The following CHL1 variants were observed in gnomAD, a reference collection of about 807,000 sequenced individuals.
CHL1 encodes the protein neural cell adhesion molecule L1-like protein.
A neutral mutation model predicts 141.9 loss-of-function variants in CHL1; 96 were observed. That is an observed-to-expected ratio of 0.68 (90% confidence interval 0.57 to 0.80). The LOEUF is 0.80. CHL1 is among the 30% of genes least tolerant of loss of function. CHL1 has a pLI of 0.00. For missense variants in CHL1, 1,820 were observed against 1,457.2 expected, an observed-to-expected ratio of 1.25 and a Z score of -4.05; for synonymous variants, 613 against 502.2, an observed-to-expected ratio of 1.22 and a Z score of -2.95.
chr3:353,217 T>C (rs1703414705), intron 10 of CHL1, among the ~76,000 whole-genome samples: 1 of 152,202 alleles, frequency 6.6e-6, no homozygotes, highest in Non-Finnish European at 1.5e-5. Flanking sequence ...CTTGATTTTC[T>C]TTATTTCTGC....
At chr3:347,180 G>C (rs1354305766) in intron 9 of CHL1, among the ~76,000 whole-genome samples, 1 of 151,838 alleles carries the variant, frequency 6.6e-6, no homozygotes, top group African/African-American at 2.4e-5. Flanking sequence ...TTTCTGTTTT[G>C]TAAATTCGTG....
intron 22 of CHL1, 151 bp from the exon 23 acceptor site, chr3:391,524 T>A (rs190427368): frequency 2.5e-5 from 15 of 610,974 alleles, no homozygotes; most frequent in East Asian, 1.8e-4. Flanking sequence ...CTCAAAAAAA[T>A]AAATAAATAA....
At position 342,109 on chromosome 3, in the gene CHL1, T is replaced by A. The variant is rs1312497208; in HGVS notation, c.679+27T>A. The A allele has an allele frequency of 1.9e-6, 3 of 1,570,380 alleles. No homozygotes were observed. In the African/African-American group the frequency reaches 4.0e-5, roughly 21 times the overall value. On this transcript the variant is annotated intron_variant, in intron 7 of 27. Transcript: ENST00000256509. The stretch of plus-strand genomic sequence containing the variant: ...TAAGTCCACATAATTTATCGTTTCA[T>A]CATGTATGCTGAATGCAAATGTGTC...
chr3:370,287 C>G (rs939802669), intron 15 of CHL1, among the ~76,000 whole-genome samples: 1 of 152,064 alleles, frequency 6.6e-6, no homozygotes, highest in African/African-American at 2.4e-5. Flanking sequence ...TGTTATTGCT[C>G]TATTCAGGGA....
At chr3:363,597 A>C in intron 14 of CHL1, 1 of 427,836 alleles carries the variant, frequency 2.3e-6, no homozygotes. Context: ...CTATTTTAAG[A>C]GGCAGCCAGG....
At position 389,402 on chromosome 3, in the gene CHL1, A is replaced by G; in HGVS notation, c.2398A>G (p.Lys800Glu). ...TPAVYAPYDV[K>E]VQAINQLGSG... ...TGCTGTCTATGCCCCTTATGATGTC[A>G]AGGTCCAGGCTATCAATCAACTAGG... Residue 800 changes from lysine to glutamate, a missense_variant, in exon 20 of 28, where the codon AAG becomes GAG. Physicochemically the swap from Lys to Glu is moderately conservative, Grantham distance 56. Coordinates refer to ENST00000256509, the MANE Select transcript of CHL1 (RefSeq NM_006614.4). 1 of 1,614,214 alleles carries G rather than the reference A, an allele frequency of 6.2e-7. No homozygotes were observed. The highest frequency in any genetic ancestry group is 8.5e-7 in the Non-Finnish European group (1 of 1,180,030).
At chr3:345,691 G>T (rs1401081808) in intron 9 of CHL1, among the ~76,000 whole-genome samples, 1 of 151,930 alleles carries the variant, frequency 6.6e-6, no homozygotes, top group Non-Finnish European at 1.5e-5. Flanking sequence ...CAACATGTTA[G>T]CCAGGAAGGT....
chr3:284,530 G>A (rs565975390), intron 2 of CHL1, among the ~76,000 whole-genome samples: 61 of 152,284 alleles, frequency 4.0e-4, no homozygotes, highest in African/African-American at 1.3e-3. Flanking sequence ...ATGTAAAGGC[G>A]TTGTTTTATG....
rs1035176119 is a variant in CHL1, at chr3:342,765, G to A, written c.680-219G>A. On this transcript the variant is annotated intron_variant, in intron 7 of 27. Transcript: ENST00000256509. ...CTTCTAGTAGCCTCAGTTCTCTTCAGTGGAGCTATAACTTGAATCTTCTCC... is the reference window on the plus strand; with the variant it reads ...CTTCTAGTAGCCTCAGTTCTCTTCAATGGAGCTATAACTTGAATCTTCTCC... 4.6e-5 allele frequency among the ~76,000 whole-genome samples: 7 copies of A among 152,222 alleles called. No homozygotes were observed. In the East Asian group the frequency reaches 1.4e-3, roughly 29 times the overall value.
rs201823890 is a variant in CHL1 at position 354,784 on chromosome 3, A to G, written c.1165+13A>G. 4 of 1,612,804 alleles carry G rather than the reference A, an allele frequency of 2.5e-6. No individual in the cohort carries two copies. Among genetic ancestry groups the G allele is most frequent in the East Asian group, 4.5e-5 (2 of 44,842 alleles). On this transcript the variant is annotated intron_variant, in intron 11 of 27. Transcript: ENST00000256509. ...TCCCCAGTTGACAGTAAGTTTAAAA[A>G]CCAATTGCAATGCAATGCTGAAGGC...
At chr3:236,372 A>G (rs1258244973) in intron 1 of CHL1, among the ~76,000 whole-genome samples, 1 of 152,152 alleles carries the variant, frequency 6.6e-6, no homozygotes, top group Non-Finnish European at 1.5e-5. Context: ...TACTGATATC[A>G]TCAATCAGCC....
chr3:401,751 C>A (rs774389977), intron 27 of CHL1, 53 bp downstream of exon 27: 2 of 1,029,562 alleles, frequency 1.9e-6, no homozygotes, highest in African/African-American at 1.7e-5. Flanking sequence ...ATGTTGAAAG[C>A]TTAAGTGAAC....
chr3:363,650 A>C (rs78344175), intron 14 of CHL1: 194 of 301,526 alleles, frequency 6.4e-4, no homozygotes, highest in African/African-American at 4.1e-3. Flanking sequence ...AAAATTACCT[A>C]TTAACCATAC....
chr3:216,630 C>A (rs978950800), intron 1 of CHL1, among the ~76,000 whole-genome samples: 1 of 152,198 alleles, frequency 6.6e-6, no homozygotes, highest in South Asian at 2.1e-4. Flanking sequence ...CTATCACTGC[C>A]AACTACCCAT....
At chr3:289,108 G>T (rs1697432307) in intron 2 of CHL1, among the ~76,000 whole-genome samples, 1 of 151,962 alleles carries the variant, frequency 6.6e-6, no homozygotes, top group Admixed American at 6.5e-5. Context: ...ATAATATCTT[G>T]GCATCACTTA....
At chr3:211,339 A>G (rs1361265239) in intron 1 of CHL1, among the ~76,000 whole-genome samples, 1 of 152,232 alleles carries the variant, frequency 6.6e-6, no homozygotes, top group Non-Finnish European at 1.5e-5. Flanking sequence ...GGCTAGTACC[A>G]TTATTCTCAC....
At chr3:306,790 T>C (rs570699434) in intron 2 of CHL1, among the ~76,000 whole-genome samples, 64 of 152,326 alleles carry the variant, frequency 4.2e-4, no homozygotes, top group African/African-American at 1.5e-3. Flanking sequence ...ATCTTAATCA[T>C]GCAGCCTTTT....
At chr3:256,935 G>T (rs1158025163) in intron 2 of CHL1, among the ~76,000 whole-genome samples, 1 of 152,142 alleles carries the variant, frequency 6.6e-6, no homozygotes. Context: ...GTATTTCTGT[G>T]GTTGCCTTTC....
In CHL1 at chr3:363,385, T is replaced by C. The variant is rs1704482310; in HGVS notation, c.1585+2T>C. The C allele has an allele frequency of 6.2e-7, 1 of 1,607,808 alleles. No homozygotes were observed. Among genetic ancestry groups the C allele is most frequent in the Non-Finnish European group, 8.5e-7 (1 of 1,177,234 alleles). On this transcript the variant is annotated splice_donor_variant, in intron 14 of 27. Coordinates refer to ENST00000256509, the MANE Select transcript of CHL1 (RefSeq NM_006614.4). LOFTEE classifies it high-confidence loss of function. ...TCACAGCCAATTTGGATATTAGAAG[T>C]ATTTTTATTTCACTGTTACTTTGCA...
Sources: allele counts gnomAD v4.1 joint callset (sites outside exome capture counted in the v4.1 genomes callset), GRCh38; gene constraint gnomAD v4.1.1; transcripts MANE v1.5; gene names NCBI Gene and HGNC (gene_info 2026-07-23, HGNC 2026-07-21).